TOX2: variants seen among roughly 807,000 people sequenced by gnomAD.
The protein encoded by TOX2 is granulosa cell HMG box 1.
A neutral mutation model predicts 47.4 loss-of-function variants in TOX2; 15 were observed. That is an observed-to-expected ratio of 0.32 (90% CI 0.21 to 0.49). The LOEUF is 0.49. TOX2 is among the 20% of genes least tolerant of loss of function. TOX2 has a pLI of 0.99. For missense variants in TOX2, 622 were observed against 673.1 expected, an observed-to-expected ratio of 0.92 and a Z score of 0.84; for synonymous variants, 290 against 296.6, an observed-to-expected ratio of 0.98 and a Z score of 0.23.
chr20:43,951,707 G>GTTTTTTTTTTTTTTTGTTTTT (rs2069572242), intron 1 of TOX2, among the ~76,000 whole-genome samples: 1 of 55,098 alleles, frequency 1.8e-5, no homozygotes, highest in Non-Finnish European at 3.9e-5. Flanking sequence ...AACTTATTAT[G>GTTTTTTTTTTTTTTTGTTTTT]TTTTTTTTTT....
intron 3 of TOX2, among the ~76,000 whole-genome samples, chr20:44,028,435 T>G (rs1375469259): frequency 2.0e-5 from 3 of 152,198 alleles, no homozygotes; most frequent in Admixed American, 2.0e-4. Flanking sequence ...TCCCAAACCC[T>G]CGCTGCAGCG....
At chr20:43,938,629 C>T (rs1283085343) in intron 1 of TOX2, among the ~76,000 whole-genome samples, 1 of 152,130 alleles carries the variant, frequency 6.6e-6, no homozygotes, top group Non-Finnish European at 1.5e-5. Context: ...CATTAATATC[C>T]CACTTTACGG....
chr20:43,943,617 A>G (rs1336808798), intron 1 of TOX2, among the ~76,000 whole-genome samples: 1 of 152,168 alleles, frequency 6.6e-6, no homozygotes, highest in East Asian at 1.9e-4. Flanking sequence ...ATTATGACCT[A>G]TGTGAAGTAG....
At chr20:43,930,865 C>T (rs1035731189) in intron 1 of TOX2, among the ~76,000 whole-genome samples, 1 of 152,204 alleles carries the variant, frequency 6.6e-6, no homozygotes, top group Non-Finnish European at 1.5e-5. Context: ...TGACACTTTG[C>T]CTTCTTAATA....
intron 3 of TOX2, among the ~76,000 whole-genome samples, chr20:44,046,272 T>A (rs1021229380): frequency 6.6e-6 from 1 of 152,200 alleles, no homozygotes; most frequent in Admixed American, 6.6e-5. Context: ...AGTAAAGACA[T>A]AACATTCTGG....
At chr20:43,928,626 A>G (rs975138565) in intron 1 of TOX2, among the ~76,000 whole-genome samples, 5 of 152,206 alleles carry the variant, frequency 3.3e-5, no homozygotes, top group Admixed American at 1.3e-4. Flanking sequence ...GCCTATGGCC[A>G]TGCTTCTGTC....
chr20:43,942,605 G>A (rs376070111), intron 1 of TOX2, among the ~76,000 whole-genome samples: 2 of 152,276 alleles, frequency 1.3e-5, no homozygotes, highest in Non-Finnish European at 1.5e-5. Flanking sequence ...AGGATCTCTC[G>A]AGCCCAGGAA....
intron 2 of TOX2, among the ~76,000 whole-genome samples, chr20:43,993,847 T>A (rs1348954258): frequency 6.6e-6 from 1 of 152,184 alleles, no homozygotes; most frequent in Admixed American, 6.5e-5. Flanking sequence ...CAGTTGGATA[T>A]GTAGCTATAA....
intron 1 of TOX2, among the ~76,000 whole-genome samples, chr20:43,966,802 G>A (rs1282956113): frequency 2.6e-5 from 4 of 151,772 alleles, no homozygotes; most frequent in African/African-American, 4.8e-5. Flanking sequence ...ACTATGCTGA[G>A]GACCCACGGG....
intron 1 of TOX2, among the ~76,000 whole-genome samples, chr20:43,953,598 G>A (rs1023685551): frequency 6.6e-6 from 1 of 152,194 alleles, no homozygotes; most frequent in Non-Finnish European, 1.5e-5. Context: ...CAGTGTAAAG[G>A]ACTTGTCTCT....
At chr20:43,998,329 G>C (rs2070514492) in intron 2 of TOX2, among the ~76,000 whole-genome samples, 1 of 152,188 alleles carries the variant, frequency 6.6e-6, no homozygotes, top group Non-Finnish European at 1.5e-5. Context: ...TATCAGTGTA[G>C]TTAGGTCTTA....
chr20:44,068,033 G>A (rs1255640959), intron 8 of TOX2, among the ~76,000 whole-genome samples: 4 of 152,124 alleles, frequency 2.6e-5, no homozygotes, highest in Non-Finnish European at 5.9e-5. Context: ...AGTGACCAGC[G>A]CGCATGCCCC....
rs537604490 is a variant in TOX2 at position 43,969,171 on chromosome 20, T to C, written c.100-4196T>C. Reference sequence around the variant, plus strand: ...TGTGCACACTCATGCCTGTGCTGTGTGTGCGTTGGTTGGTGTTACCCATGG... The same window carrying C: ...TGTGCACACTCATGCCTGTGCTGTGCGTGCGTTGGTTGGTGTTACCCATGG... On this transcript the variant is annotated intron_variant, in intron 1 of 8. Coordinates refer to ENST00000341197, the MANE Select transcript of TOX2 (RefSeq NM_001098797.2). Among the ~76,000 whole-genome samples the C allele has an allele frequency of 4.6e-5, 7 of 152,372 alleles. No individual in the cohort carries two copies. In the South Asian group the frequency reaches 1.5e-3, roughly 32 times the overall value.
chr20:44,059,306 C>A lies in TOX2; in HGVS notation c.879+4780C>A, dbSNP rs192061749. Among the ~76,000 whole-genome samples, 11 of 152,192 alleles carry A rather than the reference C, an allele frequency of 7.2e-5. No homozygotes were observed. In the East Asian group the frequency reaches 2.1e-3, roughly 29 times the overall value. ...TCAAAGACAAGGCTTTCAAATTAAC[C>A]CAATTCAACAGAGACAAAAAATTTT... On this transcript the variant is annotated intron_variant, in intron 5 of 8. Transcript: ENST00000341197.
intron 1 of TOX2, among the ~76,000 whole-genome samples, chr20:43,919,303 G>A (rs2069088948): frequency 6.6e-6 from 1 of 152,166 alleles, no homozygotes; most frequent in Non-Finnish European, 1.5e-5. Flanking sequence ...ATCAGTGTGG[G>A]AAGTCATAAA....
rs892499144 is a variant in TOX2, at chr20:44,039,290, G to A, written c.412-12016G>A. The A allele has an allele frequency of 1.2e-5, 16 of 1,289,278 alleles. No homozygotes were observed. In the Admixed American group the frequency reaches 2.5e-4, roughly 20 times the overall value. The allele number at this position is 1,289,278 out of a possible 1,614,324, so 79.9% of individuals were successfully genotyped here. A position where few individuals can be genotyped will look rare whatever the true frequency, so the allele number is the denominator to read the frequency against. On this transcript the variant is annotated intron_variant, in intron 3 of 8. Coordinates refer to ENST00000341197, the MANE Select transcript of TOX2 (RefSeq NM_001098797.2). The stretch of plus-strand genomic sequence containing the variant: ...GTCCAGTCTAGAGAGAAGCCCACAT[G>A]TCCCCAGGGAGCTCTGGGAAGGGGC...
intron 2 of TOX2, among the ~76,000 whole-genome samples, chr20:43,992,202 G>T (rs1356090090): frequency 6.6e-6 from 1 of 152,184 alleles, no homozygotes; most frequent in African/African-American, 2.4e-5. Context: ...TTTGAGGAAC[G>T]TGGCTGGAGT....
intron 2 of TOX2, among the ~76,000 whole-genome samples, chr20:43,980,971 C>T (rs868720153): frequency 6.6e-6 from 1 of 152,286 alleles, no homozygotes. Context: ...ACTAATCACC[C>T]TTATACATGA....
chr20:43,995,032 C>G (rs544089561), intron 2 of TOX2, among the ~76,000 whole-genome samples: 3 of 152,132 alleles, frequency 2.0e-5, no homozygotes, highest in African/African-American at 4.8e-5. Context: ...TCCCCTCCCC[C>G]ACCTCCTCCA....
Sources: allele counts gnomAD v4.1 joint callset (sites outside exome capture counted in the v4.1 genomes callset), GRCh38; gene constraint gnomAD v4.1.1; transcripts MANE v1.5; gene names NCBI Gene and HGNC (gene_info 2026-07-23, HGNC 2026-07-21).